CHD7: variants seen among roughly 807,000 people sequenced by gnomAD.
The protein encoded by CHD7 is ATP-dependent chromatin remodeler CHD7.
In CHD7, 24 loss-of-function variants were observed where a neutral mutation model predicts 307.3. The ratio of observed to expected loss-of-function variants is 0.08; its 90% CI spans 0.06 to 0.11. The LOEUF (loss-of-function observed/expected upper bound fraction) is 0.11. CHD7 is among the 10% of genes least tolerant of loss of function. The pLI is 1.00. For missense variants in CHD7, 3,106 were observed against 3,727.1 expected (o/e 0.83, Z 4.34); for synonymous variants, 1,363 against 1,349.9 (o/e 1.01, Z -0.21).
intron 1 of CHD7, among the ~76,000 whole-genome samples, chr8:60,717,092 C>T (rs1807648034): frequency 6.8e-6 from 1 of 146,178 alleles, no homozygotes; most frequent in Non-Finnish European, 1.5e-5. Context: ...TCCCTCAGGT[C>T]ATTGCATCTG....
rs374804079 is a variant in CHD7 at position 60,792,607 on chromosome 8, T to C, written c.2097-2379T>C. On this transcript the variant is annotated intron_variant, in intron 3 of 37. Transcript: ENST00000423902. ...TCTGACTTTCAGCTATCTTGGAGGT[T>C]CCATACAGTTCATTCTTGGGAAGGG... 1.2e-4 allele frequency among the ~76,000 whole-genome samples: 19 copies of C among 152,336 alleles called. No homozygotes were observed. In the East Asian group the frequency reaches 3.3e-3, roughly 26 times the overall value.
At position 60,865,893 on chromosome 8, in the gene CHD7, A is replaced by T; in HGVS notation, c.8954A>T (p.Asp2985Val). 2 of 1,609,434 alleles carry T rather than the reference A, an allele frequency of 1.2e-6. No individual in the cohort carries two copies. The highest frequency in any genetic ancestry group is 1.7e-6 in the Non-Finnish European group (2 of 1,177,808). ...CAGGGTGAAGAGCTAGACTCACTTGATGGGGGGGATGAAATAGAAAACAAT... is the reference window on the plus strand; with the variant it reads ...CAGGGTGAAGAGCTAGACTCACTTGTTGGGGGGGATGAAATAGAAAACAAT... ...IAQGEELDSL[D>V]GGDEIENNEN... The change falls in exon 38 of 38, where the codon GAT (aspartate) becomes GTT (valine). Residue 2985 changes from aspartate (D) to valine (V), a missense_variant. Transcript: ENST00000423902. The surrounding 1 kb of genome is among the most constrained non-coding windows in gnomAD (Gnocchi z 4.3).
chr8:60,814,761 C>T (rs1473906704), intron 7 of CHD7, among the ~76,000 whole-genome samples: 1 of 152,130 alleles, frequency 6.6e-6, no homozygotes, highest in African/African-American at 2.4e-5. Flanking sequence ...TTGGAAACTA[C>T]AAGTTGAAAG....
chr8:60,698,530 A>T (rs1296208507), intron 1 of CHD7, among the ~76,000 whole-genome samples: 1 of 152,218 alleles, frequency 6.6e-6, no homozygotes, highest in African/African-American at 2.4e-5. Flanking sequence ...TTCAAAGCTT[A>T]GTTGCAGTAC....
intron 1 of CHD7, among the ~76,000 whole-genome samples, chr8:60,685,715 T>C (rs553517516): frequency 6.6e-6 from 1 of 152,350 alleles, no homozygotes; most frequent in African/African-American, 2.4e-5. Context: ...AATAAGTAAA[T>C]TACCTTCAAA....
chr8:60,681,690 A>G (rs1586153443), intron 1 of CHD7, among the ~76,000 whole-genome samples: 2 of 152,342 alleles, frequency 1.3e-5, no homozygotes, highest in East Asian at 3.8e-4. Context: ...ATAAAAGGAC[A>G]TAATGGATTT....
At position 60,812,412 on chromosome 8, in the gene CHD7, C is replaced by T. The variant is rs973681138; in HGVS notation, c.2499-3975C>T. Among the ~76,000 whole-genome samples the T allele has an allele frequency of 3.9e-5, 6 of 152,100 alleles. No homozygotes were observed. The South Asian group carries it at 1.0e-3, about 26-fold the overall frequency. On this transcript the variant is annotated intron_variant, in intron 7 of 37. Transcript: ENST00000423902. ...AGGCACAGTGGCTCATGCCTGTAAT[C>T]CCAGCACTTTGGGAGGCTGAGGCAG...
chr8:60,797,024 T>A (rs1363310739), intron 4 of CHD7, among the ~76,000 whole-genome samples: 2 of 152,206 alleles, frequency 1.3e-5, no homozygotes, highest in Non-Finnish European at 2.9e-5. Flanking sequence ...CAATCCAAGT[T>A]TAAAAAGTTG....
At chr8:60,851,705 A>G (rs1805463943) in intron 28 of CHD7, among the ~76,000 whole-genome samples, 1 of 152,196 alleles carries the variant, frequency 6.6e-6, no homozygotes. Context: ...TTATGCAGTT[A>G]TTTTTTATAC....
chr8:60,780,901 TATAGA>T, intron 2 of CHD7, 94 bp from the exon 3 acceptor site: 3 of 429,004 alleles, frequency 7.0e-6, no homozygotes, highest in Non-Finnish European at 9.8e-6. Flanking sequence ...GCTACCTGAG[TATAGA>T]ATAAGTTTCA....
intron 8 of CHD7, among the ~76,000 whole-genome samples, chr8:60,819,473 A>G (rs1489607467): frequency 2.0e-5 from 3 of 152,238 alleles, no homozygotes; most frequent in East Asian, 1.9e-4. Flanking sequence ...TAAATGAGGT[A>G]CTAATATTGG....
At chr8:60,856,395 A>G (rs1280173752) in intron 33 of CHD7, 50 bp from the exon 34 acceptor site, 2 of 1,509,320 alleles carry the variant, frequency 1.3e-6, no homozygotes, top group Non-Finnish European at 1.8e-6. Flanking sequence ...CCCATATAGC[A>G]GTACTGTTTT....
intron 25 of CHD7, among the ~76,000 whole-genome samples, chr8:60,850,219 T>C (rs1030836818): frequency 3.9e-5 from 6 of 152,194 alleles, no homozygotes; most frequent in Admixed American, 3.9e-4. Context: ...TCAGAAATCC[T>C]CCCAGGCATC....
chr8:60,841,737 G>A lies in CHD7; in HGVS notation c.4627G>A (p.Asp1543Asn). ...GGCTAAGAAGGCTGAATTGGATATT[G>A]ATGCCTTAAATGGGAGGGTGAGTAA... is the stretch of plus-strand genomic sequence containing the variant. ...KWAKKAELDIDALNGRNNLVI... is the reference protein window; with the variant it reads ...KWAKKAELDINALNGRNNLVI... The change falls in exon 20 of 38, where the codon GAT becomes AAT. Residue 1543 changes from aspartate (D) to asparagine (N), a missense_variant. Physicochemically the swap from Asp to Asn is conservative, Grantham distance 23. Coordinates refer to ENST00000423902, the MANE Select transcript of CHD7 (RefSeq NM_017780.4). 6.2e-7 allele frequency: 1 copy of A among 1,607,366 alleles called. No individual in the cohort carries two copies. The highest frequency in any genetic ancestry group is 8.5e-7 in the Non-Finnish European group (1 of 1,174,156).
intron 1 of CHD7, among the ~76,000 whole-genome samples, chr8:60,684,557 C>T (rs1210370499): frequency 6.6e-6 from 1 of 152,012 alleles, no homozygotes; most frequent in African/African-American, 2.4e-5. Context: ...GGTATTACCC[C>T]TTAGGAAGTG....
At chr8:60,780,939 A>G in intron 2 of CHD7, 61 bp from the exon 3 acceptor site, 1 of 1,424,050 alleles carries the variant, frequency 7.0e-7, no homozygotes, top group Non-Finnish European at 9.2e-7. Flanking sequence ...ACTAACTTTC[A>G]GTTCTTTTCT....
chr8:60,854,441 A>T lies in CHD7; in HGVS notation c.6854A>T (p.Asp2285Val). ...SMSTARDETR[D>V]GFYMEDGDPS... ...AGCACTGCTAGAGATGAAACCCGAGATGGATTCTACATGGAGGACGGAGAT... is the reference window on the plus strand; with the variant it reads ...AGCACTGCTAGAGATGAAACCCGAGTTGGATTCTACATGGAGGACGGAGAT... Residue 2285 changes from aspartate (D) to valine (V), a missense_variant, in exon 32 of 38, where the codon GAT becomes GTT. Physicochemically the swap from Asp to Val is radical, Grantham distance 152. Transcript: ENST00000423902. 6.2e-7 allele frequency: 1 copy of T among 1,613,818 alleles called. No homozygotes were observed. The highest frequency in any genetic ancestry group is 1.1e-5 in the South Asian group (1 of 91,062).
chr8:60,781,166 C>G lies in CHD7; in HGVS notation c.1832C>G (p.Pro611Arg). The change falls in exon 3 of 38, where the codon CCC becomes CGC. Residue 611 changes from proline to arginine, a missense_variant. Physicochemically the swap from Pro to Arg is moderately radical, Grantham distance 103. Coordinates refer to ENST00000423902, the MANE Select transcript of CHD7 (RefSeq NM_017780.4). ...KKNNHIVAED[P>R]SKGFGKDDFP... is the part of the protein sequence containing the mutation. ...AACAACCACATTGTAGCAGAGGATC[C>G]CAGTAAAGGTTTTGGTAAAGATGAC... is the stretch of plus-strand genomic sequence containing the variant. 1 of 1,607,098 alleles carries G rather than the reference C, an allele frequency of 6.2e-7. No homozygotes were observed. Among genetic ancestry groups the G allele is most frequent in the South Asian group, 1.1e-5 (1 of 89,450 alleles).
chr8:60,729,704 C>T (rs1037628322), intron 1 of CHD7, among the ~76,000 whole-genome samples: 14 of 152,188 alleles, frequency 9.2e-5, no homozygotes, highest in Admixed American at 9.2e-4. Context: ...CATAGGTAAA[C>T]TTAAATTATT....
Sources: allele counts gnomAD v4.1 joint callset (sites outside exome capture counted in the v4.1 genomes callset), GRCh38; gene constraint gnomAD v4.1.1; non-coding constraint Gnocchi (gnomAD v3.1); transcripts MANE v1.5; gene names NCBI Gene and HGNC (gene_info 2026-07-23, HGNC 2026-07-21).